PATJ: variants seen among roughly 807,000 people sequenced by gnomAD.
The protein encoded by PATJ is inaD-like protein.
PATJ carries 190 observed loss-of-function variants against 224.9 expected under a neutral mutation model. The ratio of observed to expected loss-of-function variants is 0.84; its 90% CI spans 0.75 to 0.95. The LOEUF is 0.95. Ranked by LOEUF, PATJ falls within the 40% of genes least tolerant of loss-of-function variation. The pLI is 0.00. For missense variants in PATJ, 2,121 were observed against 2,270.3 expected, an observed-to-expected ratio of 0.93 and a Z score of 1.34; for synonymous variants, 769 against 820.3, an observed-to-expected ratio of 0.94 and a Z score of 1.07.
At chr1:61,783,042 G>A (rs1204217174) in intron 7 of PATJ, among the ~76,000 whole-genome samples, 2 of 152,178 alleles carry the variant, frequency 1.3e-5, no homozygotes, top group Non-Finnish European at 2.9e-5. Flanking sequence ...GGAAGGAATG[G>A]AACCAAGCAA....
At chr1:62,005,872 TAATC>T (rs1268235835) in intron 28 of PATJ, among the ~76,000 whole-genome samples, 11 of 152,352 alleles carry the variant, frequency 7.2e-5, no homozygotes, top group Non-Finnish European at 1.0e-4. Flanking sequence ...TCACTTTTCA[TAATC>T]AATCCTTCTG....
intron 28 of PATJ, among the ~76,000 whole-genome samples, chr1:62,015,584 G>A (rs1646727413): frequency 6.6e-6 from 1 of 152,136 alleles, no homozygotes. Context: ...CTAGGCTGGA[G>A]TGCAGTGGCG....
chr1:61,759,699 C>T (rs79831476), intron 1 of PATJ, among the ~76,000 whole-genome samples: 2,026 of 152,314 alleles, frequency 0.013, 53 homozygotes, highest in African/African-American at 0.046. Flanking sequence ...TGAGCCACAG[C>T]GCCCGGGCTG....
chr1:61,775,707 T>G (rs1357197889), intron 7 of PATJ, among the ~76,000 whole-genome samples: 1 of 152,208 alleles, frequency 6.6e-6, no homozygotes, highest in Admixed American at 6.5e-5. Flanking sequence ...TTATAAACAT[T>G]TGTCCCAATA....
chr1:61,842,993 G>A (rs142025976), intron 17 of PATJ, among the ~76,000 whole-genome samples: 203 of 152,264 alleles, frequency 1.3e-3, no homozygotes, highest in African/African-American at 4.8e-3. Context: ...TTTGTTCAAG[G>A]TGTGATGATT....
In PATJ at chr1:61,963,414, T is replaced by G. The variant is rs9436216; in HGVS notation, c.3671-26754T>G. 9.0e-3 allele frequency among the ~76,000 whole-genome samples: 1,368 copies of G among 151,844 alleles called. 14 individuals carry two copies. The highest frequency in any genetic ancestry group is 0.034 in the Middle Eastern group (10 of 294). On this transcript the variant is annotated intron_variant, in intron 27 of 43. Transcript: ENST00000642238. The stretch of plus-strand genomic sequence containing the variant: ...GTTTGAGACCAGCCTGGCCAGCATG[T>G]TGAAACCCTGTCTCTACTAAAAATA...
rs1308446577 is a variant in PATJ, at chr1:62,162,374, A to C, written c.*1320A>C. The stretch of plus-strand genomic sequence containing the variant: ...TTATATTTCCCTTTACCTCCATAGT[A>C]GTCAGGCCAGCAGCATGGACTGCAA... On this transcript the variant is annotated 3_prime_UTR_variant, in exon 44 of 44. Coordinates refer to ENST00000642238, the MANE Select transcript of PATJ (RefSeq NM_001350145.3). 1 of 152,238 alleles carries C rather than the reference A, an allele frequency of 6.6e-6. No individual in the cohort carries two copies. Among genetic ancestry groups the C allele is most frequent in the Admixed American group, 6.5e-5 (1 of 15,282 alleles). The allele number at this position is 152,238 out of a possible 1,614,324, so 9.4% of individuals were successfully genotyped here. A position where few individuals can be genotyped will look rare whatever the true frequency, so the allele number is the denominator to read the frequency against.
At chr1:62,054,751 AT>A (rs1171726234) in intron 31 of PATJ, among the ~76,000 whole-genome samples, 3 of 152,132 alleles carry the variant, frequency 2.0e-5, no homozygotes, top group South Asian at 2.1e-4. Flanking sequence ...CATTGGCTTA[AT>A]TTTTTTAATA....
chr1:61,766,101 C>T (rs1449410443), intron 3 of PATJ, among the ~76,000 whole-genome samples, 178 bp from the exon 4 acceptor site: 1 of 152,130 alleles, frequency 6.6e-6, no homozygotes, highest in Non-Finnish European at 1.5e-5. Flanking sequence ...TTGTGTAATA[C>T]TAAATTTAAA....
At chr1:61,923,991 C>G (rs868707048) in intron 26 of PATJ, among the ~76,000 whole-genome samples, 1 of 151,250 alleles carries the variant, frequency 6.6e-6, no homozygotes, top group Non-Finnish European at 1.5e-5. Flanking sequence ...TTGAATGAGT[C>G]TCTAGTTTTG....
At chr1:61,894,887 G>C (rs1213852471) in intron 22 of PATJ, among the ~76,000 whole-genome samples, 1 of 152,192 alleles carries the variant, frequency 6.6e-6, no homozygotes, top group African/African-American at 2.4e-5. Context: ...GAATACTTTT[G>C]ACCAAATGCT....
chr1:62,127,799 C>T (rs1214058847), intron 39 of PATJ, among the ~76,000 whole-genome samples, 173 bp from the exon 40 acceptor site: 1 of 151,142 alleles, frequency 6.6e-6, no homozygotes, highest in East Asian at 1.9e-4. Context: ...AAGAGCGAAA[C>T]TGAAAAAAAA....
Position 61,762,926 on chromosome 1 carries a change from A to T in PATJ, c.22+12A>T. 6.6e-7 allele frequency: 1 copy of T among 1,517,554 alleles called. No individual in the cohort carries two copies. The highest frequency in any genetic ancestry group is 1.2e-5 in the South Asian group (1 of 83,862). The allele number at this position is 1,517,554 out of a possible 1,614,324, so 94.0% of individuals were successfully genotyped here. On this transcript the variant is annotated intron_variant, in intron 2 of 43. Transcript: ENST00000642238. Reference sequence around the variant, plus strand: ...AAATCCTGCTACAGGTATACTGGATATATTGTTCTATAATTAAATTAATTA... The same window carrying T: ...AAATCCTGCTACAGGTATACTGGATTTATTGTTCTATAATTAAATTAATTA...
At chr1:62,097,991 A>G (rs911880462) in intron 33 of PATJ, among the ~76,000 whole-genome samples, 10 of 152,308 alleles carry the variant, frequency 6.6e-5, no homozygotes, top group African/African-American at 2.2e-4. Flanking sequence ...AGTTCAGGCA[A>G]GGTGCAGTGG....
At chr1:62,122,376 A>C (rs1316935141) in intron 38 of PATJ, among the ~76,000 whole-genome samples, 2 of 150,858 alleles carry the variant, frequency 1.3e-5, no homozygotes, top group African/African-American at 2.4e-5. Context: ...AAAAAAAAAA[A>C]AAAAAAAAAC....
intron 28 of PATJ, among the ~76,000 whole-genome samples, chr1:61,999,801 T>G (rs1241016753): frequency 2.0e-5 from 3 of 152,152 alleles, no homozygotes; most frequent in Non-Finnish European, 4.4e-5. Context: ...TTACAGAAAG[T>G]TTTTCACACA....
At chr1:61,931,884 T>C (rs1676081156) in intron 27 of PATJ, among the ~76,000 whole-genome samples, 1 of 152,196 alleles carries the variant, frequency 6.6e-6, no homozygotes, top group Non-Finnish European at 1.5e-5. Flanking sequence ...ACTTAACCAG[T>C]ATAGATGCAC....
At chr1:61,973,114 T>C (rs975682692) in intron 27 of PATJ, among the ~76,000 whole-genome samples, 2 of 152,072 alleles carry the variant, frequency 1.3e-5, no homozygotes, top group Non-Finnish European at 2.9e-5. Context: ...ATTCAGATAA[T>C]GACAAATTTG....
chr1:62,145,477 C>T (rs7542598), intron 41 of PATJ, among the ~76,000 whole-genome samples: 5,415 of 152,134 alleles, frequency 0.036, 178 homozygotes, highest in South Asian at 0.13. Context: ...GCCTGAGCAA[C>T]ACAGTGAGAC....
Sources: allele counts gnomAD v4.1 joint callset (sites outside exome capture counted in the v4.1 genomes callset), GRCh38; gene constraint gnomAD v4.1.1; transcripts MANE v1.5; gene names NCBI Gene and HGNC (gene_info 2026-07-23, HGNC 2026-07-21).